The following SLC41A2 variants were observed in gnomAD, a reference collection of about 807,000 sequenced individuals.
The protein encoded by SLC41A2 is solute carrier family 41 member 2, also known as SLC41A1-like 1.
Under a neutral mutation model 58.3 loss-of-function variants are expected in SLC41A2, and 32 were observed. The ratio of observed to expected loss-of-function variants is 0.55; its 90% CI spans 0.41 to 0.74. The LOEUF is 0.74. SLC41A2 is among the 30% of genes least tolerant of loss of function. The probability of loss-of-function intolerance (pLI) is 0.00; values close to 1 mark genes in which losing one functional copy is unlikely to be tolerated. For missense variants in SLC41A2, 514 were observed against 680.6 expected (o/e 0.76, Z 2.72); for synonymous variants, 190 against 235.0 (o/e 0.81, Z 1.75).
At chr12:104,945,681 A>G (rs952585940) in intron 1 of SLC41A2, among the ~76,000 whole-genome samples, 4 of 152,168 alleles carry the variant, frequency 2.6e-5, no homozygotes, top group South Asian at 4.1e-4. Context: ...GCTTTTTTCC[A>G]TTTCATAACA....
chr12:104,878,302 TATATATA>T (rs1292619368), intron 6 of SLC41A2, among the ~76,000 whole-genome samples: 8 of 19,418 alleles, frequency 4.1e-4, no homozygotes, highest in South Asian at 1.3e-3. Flanking sequence ...CTGTATTTTA[TATATATA>T]TATATATATA....
At chr12:104,938,478 T>A (rs1294578669) in intron 1 of SLC41A2, among the ~76,000 whole-genome samples, 5 of 152,232 alleles carry the variant, frequency 3.3e-5, no homozygotes, top group Non-Finnish European at 5.9e-5. Flanking sequence ...TCCATTAGCA[T>A]CAGGTTTGGC....
At chr12:104,857,727 C>T (rs931371162) in intron 8 of SLC41A2, among the ~76,000 whole-genome samples, 5 of 151,350 alleles carry the variant, frequency 3.3e-5, no homozygotes, top group Admixed American at 2.0e-4. Context: ...AAGCTGGAAA[C>T]CATCATTCTC....
In SLC41A2 at chr12:104,802,189, A is replaced by G. The variant is rs1286869645; in HGVS notation, c.*2963T>C. Among the ~76,000 whole-genome samples the G allele has an allele frequency of 6.6e-6, 1 of 152,202 alleles. No individual in the cohort carries two copies. The highest frequency in any genetic ancestry group is 1.5e-5 in the Non-Finnish European group (1 of 68,034). On this transcript the variant is annotated 3_prime_UTR_variant, in exon 11 of 11. Transcript: ENST00000258538. ...GAAACTTTATTTTTGAAAGAAAAAA[A>G]TGGACAAGAAAGAAAAATGTTTCTA...
At chr12:104,884,308 G>A (rs1032888685) in intron 6 of SLC41A2, among the ~76,000 whole-genome samples, 3 of 152,172 alleles carry the variant, frequency 2.0e-5, no homozygotes, top group Admixed American at 6.5e-5. Flanking sequence ...TGGTGAGGCA[G>A]TGCCCCACCC....
intron 10 of SLC41A2, among the ~76,000 whole-genome samples, chr12:104,826,475 G>T (rs1280352949): frequency 1.3e-5 from 2 of 152,142 alleles, no homozygotes; most frequent in African/African-American, 2.4e-5. Flanking sequence ...AAGTGGCAAG[G>T]CCAGGAAATT....
At chr12:104,901,837 A>G (rs2045580304) in intron 3 of SLC41A2, among the ~76,000 whole-genome samples, 5 of 152,212 alleles carry the variant, frequency 3.3e-5, no homozygotes, top group Admixed American at 3.3e-4. Flanking sequence ...AACAAGCTTT[A>G]AAAACAAATG....
chr12:104,835,694 C>T (rs1017867452), intron 10 of SLC41A2, among the ~76,000 whole-genome samples: 9 of 152,078 alleles, frequency 5.9e-5, no homozygotes, highest in South Asian at 2.1e-4. Context: ...GGCATTGATT[C>T]GGTATGGATC....
At chr12:104,940,545 G>C (rs2047468629) in intron 1 of SLC41A2, among the ~76,000 whole-genome samples, 1 of 145,864 alleles carries the variant, frequency 6.9e-6, no homozygotes, top group South Asian at 2.2e-4. Context: ...AAAAAAAAAA[G>C]GCTCACCTCT....
intron 8 of SLC41A2, among the ~76,000 whole-genome samples, chr12:104,848,095 T>C (rs1488842231): frequency 6.6e-6 from 1 of 152,192 alleles, no homozygotes; most frequent in Non-Finnish European, 1.5e-5. Context: ...TTACAGGCCA[T>C]AAGACAAGTC....
At chr12:104,903,419 C>T (rs558514450) in intron 3 of SLC41A2, among the ~76,000 whole-genome samples, 1 of 152,294 alleles carries the variant, frequency 6.6e-6, no homozygotes, top group South Asian at 2.1e-4. Context: ...GCCCTATTGG[C>T]CTCCATGCTC....
At chr12:104,853,119 G>A (rs1270233936) in intron 8 of SLC41A2, among the ~76,000 whole-genome samples, 1 of 152,216 alleles carries the variant, frequency 6.6e-6, no homozygotes. Context: ...TAAAGTTTGA[G>A]AGTGGGAAGA....
chr12:104,890,346 A>G (rs1346349370), intron 4 of SLC41A2, among the ~76,000 whole-genome samples: 2 of 152,182 alleles, frequency 1.3e-5, no homozygotes, highest in Admixed American at 6.5e-5. Flanking sequence ...CACCATGATG[A>G]GTGTAGCAGT....
At chr12:104,899,678 C>T (rs1449312850) in intron 3 of SLC41A2, among the ~76,000 whole-genome samples, 2 of 152,124 alleles carry the variant, frequency 1.3e-5, no homozygotes, top group Admixed American at 6.6e-5. Context: ...AATTCTCTTG[C>T]GTATGAGATT....
chr12:104,840,342 T>C (rs1304138972), intron 10 of SLC41A2, among the ~76,000 whole-genome samples: 1 of 152,216 alleles, frequency 6.6e-6, no homozygotes. Context: ...ATACTCTGCT[T>C]CTATGAAATC....
chr12:104,948,690 A>C (rs1457461454), intron 1 of SLC41A2, among the ~76,000 whole-genome samples: 1 of 152,214 alleles, frequency 6.6e-6, no homozygotes, highest in African/African-American at 2.4e-5. Context: ...TCTGTGTTAT[A>C]ATCCTCTGGC....
intron 4 of SLC41A2, 152 bp from the exon 5 acceptor site, chr12:104,889,329 G>T: frequency 1.3e-6 from 1 of 793,926 alleles, no homozygotes; most frequent in Non-Finnish European, 1.9e-6. Flanking sequence ...CTATATTTTG[G>T]TTTTAATATT....
Position 104,805,254 on chromosome 12 carries a change from G to A in SLC41A2, c.1620C>T (p.Pro540=). The A allele has an allele frequency of 6.2e-7, 1 of 1,613,940 alleles. No individual in the cohort carries two copies. Among genetic ancestry groups the A allele is most frequent in the Non-Finnish European group, 8.5e-7 (1 of 1,179,846 alleles). The part of the protein sequence containing the change: ...KGKDPDSFSI[P]YLTALGDLLG... ...GCAGATCACCCAATGCTGTTAGGTA[G>A]GGGATGGAGAAACTATCCGGGTCCT... is the stretch of plus-strand genomic sequence containing the variant. Residue 540 remains proline (P), a synonymous_variant, in exon 11 of 11, where the codon CCC becomes CCT. Transcript: ENST00000258538.
rs1272873332 is a variant in SLC41A2, at chr12:104,892,328, A to AAAC, written c.735+2945_735+2946insGTT. Among the ~76,000 whole-genome samples, 30 of 126,914 alleles carry AAAC rather than the reference A, an allele frequency of 2.4e-4. 3 individuals carry two copies. Among genetic ancestry groups the AAAC allele is most frequent in the African/African-American group, 1.0e-3 (28 of 26,930 alleles). The allele number at this position is 126,914 out of a possible 152,430, so 83.3% of individuals were successfully genotyped here. ...AAATAAAATAAAATAAAATAAAATA[A>AAAC]AATAAAATATTGATGCAAGAAATTG... On this transcript the variant is annotated intron_variant, in intron 4 of 10. Transcript: ENST00000258538.
Sources: gnomAD v4.1 joint callset for allele counts (sites outside exome capture counted in the v4.1 genomes callset) on GRCh38, gnomAD v4.1.1 for gene constraint, MANE v1.5 for transcripts, NCBI Gene and HGNC (gene_info 2026-07-23, HGNC 2026-07-21) for gene names.